Variants in AFF2 observed in about 807,000 individuals in gnomAD.
AFF2 encodes the protein ALF transcription elongation factor 2, also known as AF4/FMR2 family member 2.
In AFF2, 14 loss-of-function variants were observed where a neutral mutation model predicts 76.9. The observed-to-expected ratio is 0.18, with a 90% confidence interval of 0.12 to 0.28. The LOEUF is 0.28. AFF2 is among the 10% of genes least tolerant of loss of function. The pLI is 1.00. For missense variants in AFF2, 868 were observed against 1,001.1 expected (o/e 0.87, Z 1.79); for synonymous variants, 398 against 366.7 (o/e 1.09, Z -0.98).
chrX:148,609,593 T>C (rs2089352863), intron 1 of AFF2, among the ~76,000 whole-genome samples: 1 of 112,025 alleles, frequency 8.9e-6, no homozygotes, highest in African/African-American at 3.2e-5. Flanking sequence ...AGCATTCCTT[T>C]TCTGTACTTT....
chrX:148,973,700 A>T, intron 16 of AFF2, 93 bp downstream of exon 16: 1 of 964,944 alleles, frequency 1.0e-6, no homozygotes. Context: ...ACTTATTAAT[A>T]ATTTGTCCAA....
rs182447314 is a variant in AFF2 at position 148,663,243 on chromosome X, C to T, written c.1041+475C>T. 7.2e-5 allele frequency among the ~76,000 whole-genome samples: 8 copies of T among 111,639 alleles called. No homozygotes were observed. The East Asian group carries it at 2.3e-3, about 32-fold the overall frequency. On this transcript the variant is annotated intron_variant, in intron 3 of 20. Transcript: ENST00000370460. ...GTTTGCTGGAACCTGAAGTAGAAGGCGTTCTTTAAGAATTTTAGTTTCTTG... is the reference window on the plus strand; with the variant it reads ...GTTTGCTGGAACCTGAAGTAGAAGGTGTTCTTTAAGAATTTTAGTTTCTTG...
At chrX:148,569,972 G>A (rs983936786) in intron 1 of AFF2, among the ~76,000 whole-genome samples, 5 of 111,454 alleles carry the variant, frequency 4.5e-5, no homozygotes, top group Admixed American at 2.9e-4. Context: ...CATCTCACTG[G>A]CTTGATTGAT....
At chrX:148,990,617 T>C (rs1435870071) in intron 20 of AFF2, among the ~76,000 whole-genome samples, 2 of 112,231 alleles carry the variant, frequency 1.8e-5, no homozygotes, top group African/African-American at 6.5e-5. Context: ...ACCATTAATG[T>C]CCTAGGTCAG....
At chrX:148,801,321 A>C (rs1431927283) in intron 3 of AFF2, among the ~76,000 whole-genome samples, 1 of 111,614 alleles carries the variant, frequency 9.0e-6, no homozygotes, top group Non-Finnish European at 1.9e-5. Context: ...TATCCCTTCT[A>C]TTATACTTCC....
At chrX:148,718,988 G>A (rs184288076) in intron 3 of AFF2, 96 of 837,241 alleles carry the variant, frequency 1.1e-4, no homozygotes, top group Non-Finnish European at 5.2e-5. Context: ...ACAAAACAGA[G>A]TTTAAATTGA....
At chrX:148,900,217 T>C (rs1396857955) in intron 8 of AFF2, among the ~76,000 whole-genome samples, 1 of 111,321 alleles carries the variant, frequency 9.0e-6, no homozygotes, top group Non-Finnish European at 1.9e-5. Context: ...TGGATGGGAC[T>C]CAAGAGACAG....
intron 1 of AFF2, among the ~76,000 whole-genome samples, chrX:148,592,903 A>C (rs2053536953): frequency 8.9e-6 from 1 of 112,375 alleles, no homozygotes; most frequent in African/African-American, 3.2e-5. Flanking sequence ...TTCCTTACCC[A>C]AAAGTAGCCC....
chrX:148,940,998 G>A (rs1306037155), intron 9 of AFF2, among the ~76,000 whole-genome samples: 2 of 111,841 alleles, frequency 1.8e-5, no homozygotes, highest in African/African-American at 6.5e-5. Flanking sequence ...ACAGGCATAA[G>A]AACTTCTGTT....
At chrX:148,506,773 A>G (rs1002631420) in intron 1 of AFF2, among the ~76,000 whole-genome samples, 7 of 111,579 alleles carry the variant, frequency 6.3e-5, no homozygotes, top group African/African-American at 2.3e-4. Flanking sequence ...TAATCTTACC[A>G]TATGTATTAA....
chrX:148,517,696 T>C (rs1054083363), intron 1 of AFF2, among the ~76,000 whole-genome samples: 4 of 111,824 alleles, frequency 3.6e-5, no homozygotes, highest in African/African-American at 1.3e-4. Context: ...GTATTGGTTC[T>C]TTTTGCCAAA....
chrX:148,842,468 T>C (rs1359818962), intron 5 of AFF2, among the ~76,000 whole-genome samples: 1 of 112,607 alleles, frequency 8.9e-6, no homozygotes, highest in African/African-American at 3.2e-5. Flanking sequence ...TCTGTGCACA[T>C]GTGTCATAGA....
At chrX:148,734,773 G>GT (rs1161031145) in intron 3 of AFF2, among the ~76,000 whole-genome samples, 3 of 112,098 alleles carry the variant, frequency 2.7e-5, no homozygotes, top group Non-Finnish European at 5.6e-5. Flanking sequence ...TTATAAACAT[G>GT]TTTTTTCATA....
intron 1 of AFF2, among the ~76,000 whole-genome samples, chrX:148,614,399 A>G (rs1408312553): frequency 1.8e-5 from 2 of 111,878 alleles, no homozygotes; most frequent in African/African-American, 6.5e-5. Context: ...GAAATGAGAC[A>G]CAGTATTCTA....
chrX:148,598,787 G>A (rs1296874713), intron 1 of AFF2, among the ~76,000 whole-genome samples: 1 of 112,204 alleles, frequency 8.9e-6, no homozygotes, highest in Non-Finnish European at 1.9e-5. Context: ...GAACGATTTC[G>A]TTCTTGTTAA....
Position 148,846,471 on chromosome X carries a change from A to T in AFF2, c.1262+3038A>T, listed in dbSNP as rs2070668781. On this transcript the variant is annotated intron_variant, in intron 7 of 20. Transcript: ENST00000370460. The stretch of plus-strand genomic sequence containing the variant: ...TATATGTGTCTACACATGCAGGTAC[A>T]CCAACAAACACTTGTCAGTGTTCAA... Among the ~76,000 whole-genome samples, 3 of 112,353 alleles carry T rather than the reference A, an allele frequency of 2.7e-5. No individual in the cohort carries two copies. In the Admixed American group the frequency reaches 2.8e-4, roughly 11 times the overall value.
intron 9 of AFF2, 135 bp from the exon 10 acceptor site, chrX:148,953,439 ACGTTTC>A: frequency 1.6e-6 from 1 of 644,552 alleles, no homozygotes; most frequent in Non-Finnish European, 2.3e-6. Context: ...CCTAAGCCTC[ACGTTTC>A]CTATCTATAA....
At chrX:148,706,936 G>A (rs1293976717) in intron 3 of AFF2, among the ~76,000 whole-genome samples, 9 of 112,079 alleles carry the variant, frequency 8.0e-5, no homozygotes, top group African/African-American at 2.6e-4. Context: ...GTAGTCTATC[G>A]TTTCTTTTGA....
At chrX:148,836,883 T>C (rs1293443773) in intron 4 of AFF2, among the ~76,000 whole-genome samples, 2 of 112,062 alleles carry the variant, frequency 1.8e-5, no homozygotes, top group African/African-American at 6.5e-5. Context: ...AACTCACAGA[T>C]ACACTGTCTA....
Sources: allele counts gnomAD v4.1 joint callset (sites outside exome capture counted in the v4.1 genomes callset), GRCh38; gene constraint gnomAD v4.1.1; transcripts MANE v1.5; gene names NCBI Gene and HGNC (gene_info 2026-07-23, HGNC 2026-07-21).